SUPT3H: variants seen among roughly 807,000 people sequenced by gnomAD.
The protein encoded by SUPT3H is transcription initiation protein SPT3 homolog.
In SUPT3H, 44 loss-of-function variants were observed where a neutral mutation model predicts 44.3. The observed-to-expected ratio is 0.99, with a 90% CI of 0.78 to 1.28. The LOEUF (loss-of-function observed/expected upper bound fraction) is 1.28. Ranked by LOEUF, SUPT3H falls within the 50% of genes most tolerant of loss-of-function variation. SUPT3H has a pLI of 0.00. For synonymous variants in SUPT3H, 124 were observed against 125.6 expected (o/e 0.99, Z 0.09); for missense variants, 380 against 387.1 (o/e 0.98, Z 0.15).
In SUPT3H at chr6:45,001,789, T is replaced by C. The variant is rs566050175; in HGVS notation, c.504+1864A>G. 3.9e-5 allele frequency among the ~76,000 whole-genome samples: 6 copies of C among 152,194 alleles called. No homozygotes were observed. The East Asian group carries it at 1.2e-3, about 29-fold the overall frequency. On this transcript the variant is annotated intron_variant, in intron 6 of 10. Transcript: ENST00000371459. Reference sequence around the variant, plus strand: ...CAGGACTGATTATTCTACTGAACTTTAAAAGCAAGAGATTGCAGTCTCTGA... The same window carrying C: ...CAGGACTGATTATTCTACTGAACTTCAAAAGCAAGAGATTGCAGTCTCTGA...
intron 10 of SUPT3H, among the ~76,000 whole-genome samples, chr6:44,896,871 C>T (rs945381394): frequency 2.6e-5 from 4 of 152,162 alleles, no homozygotes; most frequent in Non-Finnish European, 4.4e-5. Flanking sequence ...ATAGTGACAA[C>T]GATGACACAA....
intron 5 of SUPT3H, among the ~76,000 whole-genome samples, chr6:45,014,076 A>G (rs1267450719): frequency 6.6e-6 from 1 of 152,082 alleles, no homozygotes; most frequent in Non-Finnish European, 1.5e-5. Context: ...CCATCCTTAC[A>G]TAGCCATTTC....
intron 10 of SUPT3H, among the ~76,000 whole-genome samples, chr6:44,915,070 C>T (rs950685653): frequency 6.6e-6 from 1 of 152,146 alleles, no homozygotes; most frequent in Non-Finnish European, 1.5e-5. Context: ...TTCTCCTTAC[C>T]TTACCTCTAA....
chr6:45,099,107 C>G, intron 3 of SUPT3H: 1 of 350,872 alleles, frequency 2.9e-6, no homozygotes, highest in Admixed American at 4.1e-5. Flanking sequence ...AGCCACCAGC[C>G]CCTAGTCTTC....
chr6:45,276,106 C>A (rs1399118397), intron 2 of SUPT3H, among the ~76,000 whole-genome samples: 2 of 151,892 alleles, frequency 1.3e-5, no homozygotes, highest in Non-Finnish European at 2.9e-5. Context: ...ATGCTAACAA[C>A]GCACTAAAAT....
chr6:45,129,606 CTG>C (rs1803096155), intron 2 of SUPT3H, among the ~76,000 whole-genome samples: 1 of 152,158 alleles, frequency 6.6e-6, no homozygotes, highest in African/African-American at 2.4e-5. Context: ...ACAACTTGTG[CTG>C]TTTTTTTGTA....
intron 10 of SUPT3H, among the ~76,000 whole-genome samples, chr6:44,920,045 A>AT (rs1242957493): frequency 6.6e-6 from 1 of 151,764 alleles, no homozygotes; most frequent in Non-Finnish European, 1.5e-5. Flanking sequence ...CACCCGGCTA[A>AT]TTTTTTGTAT....
At chr6:45,236,301 G>A (rs1159504331) in intron 2 of SUPT3H, among the ~76,000 whole-genome samples, 1 of 152,114 alleles carries the variant, frequency 6.6e-6, no homozygotes, top group African/African-American at 2.4e-5. Context: ...TGGAGAACAT[G>A]GAACTAAGCT....
At chr6:45,356,124 T>C (rs1350517844) in intron 2 of SUPT3H, among the ~76,000 whole-genome samples, 1 of 152,174 alleles carries the variant, frequency 6.6e-6, no homozygotes, top group Non-Finnish European at 1.5e-5. Context: ...GTGTACTCTA[T>C]TCTGTCATAG....
Position 45,224,576 on chromosome 6 carries a change from G to A in SUPT3H, c.102-118570C>T, listed in dbSNP as rs1315917372. ...AACTGGATCAAGAGGTCAGGAGTTC[G>A]AGACCAGCCTGGCCAAGATGGTGAA... On this transcript the variant is annotated intron_variant, in intron 2 of 10. Coordinates refer to ENST00000371459, the MANE Select transcript of SUPT3H (RefSeq NM_003599.4). Among the ~76,000 whole-genome samples, 4 of 151,946 alleles carry A rather than the reference G, an allele frequency of 2.6e-5. No homozygotes were observed. The East Asian group carries it at 5.8e-4, about 22-fold the overall frequency.
intron 3 of SUPT3H, among the ~76,000 whole-genome samples, chr6:45,050,121 C>T (rs544773069): frequency 6.6e-6 from 1 of 152,142 alleles, no homozygotes; most frequent in Non-Finnish European, 1.5e-5. Context: ...ACATCATTAT[C>T]TCCTGAGTAA....
chr6:44,862,498 G>A (rs866666563), intron 10 of SUPT3H, among the ~76,000 whole-genome samples: 8 of 151,806 alleles, frequency 5.3e-5, no homozygotes, highest in Middle Eastern at 3.4e-3. Flanking sequence ...CCAACATGGT[G>A]AAATCCCGCC....
intron 1 of SUPT3H, among the ~76,000 whole-genome samples, chr6:45,373,033 C>G (rs1002279576): frequency 6.6e-6 from 1 of 152,110 alleles, no homozygotes; most frequent in Non-Finnish European, 1.5e-5. Flanking sequence ...TCTCAAACTC[C>G]TGACCTCAGG....
At chr6:44,993,658 T>C (rs1229711733) in intron 6 of SUPT3H, among the ~76,000 whole-genome samples, 1 of 152,278 alleles carries the variant, frequency 6.6e-6, no homozygotes, top group East Asian at 1.9e-4. Context: ...CTACAGTTCC[T>C]ATGCCAGAAT....
chr6:44,933,568 G>T (rs1474052442), intron 9 of SUPT3H, among the ~76,000 whole-genome samples: 1 of 152,166 alleles, frequency 6.6e-6, no homozygotes, highest in Non-Finnish European at 1.5e-5. Context: ...AATTATAATT[G>T]CTTGTAGGAC....
chr6:45,314,952 G>A (rs1288540530), intron 2 of SUPT3H, among the ~76,000 whole-genome samples: 1 of 152,076 alleles, frequency 6.6e-6, no homozygotes, highest in Non-Finnish European at 1.5e-5. Context: ...ATAGACCAAT[G>A]GAACAGAATA....
intron 3 of SUPT3H, among the ~76,000 whole-genome samples, chr6:45,104,760 C>T (rs534634155): frequency 6.6e-6 from 1 of 151,708 alleles, no homozygotes; most frequent in Non-Finnish European, 1.5e-5. Flanking sequence ...AATATTAAAA[C>T]ACAACTGAAA....
At chr6:45,352,181 T>C (rs1230583855) in intron 2 of SUPT3H, among the ~76,000 whole-genome samples, 2 of 152,176 alleles carry the variant, frequency 1.3e-5, no homozygotes, top group East Asian at 1.9e-4. Flanking sequence ...CAGTATTTCA[T>C]TGAGAAAAGA....
At position 45,207,506 on chromosome 6, in the gene SUPT3H, T is replaced by G. The variant is rs529329738; in HGVS notation, c.102-101500A>C. The stretch of plus-strand genomic sequence containing the variant: ...ATGGTAAATAGAGACTAATGTATGA[T>G]CTAGATGTTGTGTTTGTTGTTTAAG... On this transcript the variant is annotated intron_variant, in intron 2 of 10. Coordinates refer to ENST00000371459, the MANE Select transcript of SUPT3H (RefSeq NM_003599.4). 3.3e-5 allele frequency among the ~76,000 whole-genome samples: 5 copies of G among 152,296 alleles called. No individual in the cohort carries two copies. The East Asian group carries it at 9.7e-4, about 29-fold the overall frequency.
Sources: allele counts gnomAD v4.1 joint callset (sites outside exome capture counted in the v4.1 genomes callset), GRCh38; gene constraint gnomAD v4.1.1; transcripts MANE v1.5; gene names NCBI Gene and HGNC (gene_info 2026-07-23, HGNC 2026-07-21).